Variants in CCDC93 observed in about 807,000 individuals in gnomAD.
CCDC93 encodes the protein CCC complex scaffolding subunit CCDC93.
A neutral mutation model predicts 108.2 loss-of-function variants in CCDC93; 61 were observed. That is an observed-to-expected ratio of 0.56 (90% CI 0.46 to 0.70). CCDC93 has a LOEUF of 0.70. CCDC93 is among the 30% of genes least tolerant of loss of function. CCDC93 has a pLI of 0.00. For missense variants in CCDC93, 685 were observed against 764.2 expected (o/e 0.90, Z 1.22); for synonymous variants, 276 against 260.4 (o/e 1.06, Z -0.58).
At chr2:117,985,503 A>T in intron 7 of CCDC93, 1 of 744,114 alleles carries the variant, frequency 1.3e-6, no homozygotes. Flanking sequence ...TTTAAAGTAA[A>T]AACTAAGGAT....
chr2:118,000,793 G>T, intron 4 of CCDC93, 28 bp downstream of exon 4: 1 of 1,442,250 alleles, frequency 6.9e-7, no homozygotes, highest in Non-Finnish European at 9.8e-7. Context: ...GATGTTAAGA[G>T]GACAAGAAAC....
At chr2:117,977,110 T>C (rs1558792086) in intron 8 of CCDC93, among the ~76,000 whole-genome samples, 1 of 152,056 alleles carries the variant, frequency 6.6e-6, no homozygotes, top group Non-Finnish European at 1.5e-5. Flanking sequence ...GAATGTTTTT[T>C]TGTATTTTTA....
In CCDC93 at chr2:117,973,898, C is replaced by T; in HGVS notation, c.888+10G>A. The T allele has an allele frequency of 1.2e-6, 2 of 1,602,256 alleles. No homozygotes were observed. Among genetic ancestry groups the T allele is most frequent in the Non-Finnish European group, 1.7e-6 (2 of 1,172,474 alleles). On this transcript the variant is annotated intron_variant, in intron 11 of 23. Transcript: ENST00000376300. ...TCTGGGGCACAGACTCCAGCTGGGC[C>T]CCCACCTACCTTCTCTGCATACTCG...
chr2:117,954,262 AAAT>A (rs1369495714), intron 12 of CCDC93, among the ~76,000 whole-genome samples: 1 of 152,122 alleles, frequency 6.6e-6, no homozygotes, highest in Non-Finnish European at 1.5e-5. Flanking sequence ...TGTGGGATTA[AAAT>A]ATGAGAAGAG....
At chr2:117,992,878 T>C (rs1346914917) in intron 6 of CCDC93, among the ~76,000 whole-genome samples, 13 of 143,590 alleles carry the variant, frequency 9.1e-5, no homozygotes, top group Non-Finnish European at 4.6e-5. Flanking sequence ...AGAAGTGGAT[T>C]AAAAAAAAAA....
intron 22 of CCDC93, 138 bp from the exon 23 acceptor site, chr2:117,931,288 AGGTT>A: frequency 1.6e-6 from 1 of 607,958 alleles, no homozygotes; most frequent in Non-Finnish European, 2.9e-6. Context: ...ATAATTTTTG[AGGTT>A]GGTTAATTTA....
At chr2:117,975,547 T>C (rs1679916328) in intron 8 of CCDC93, among the ~76,000 whole-genome samples, 1 of 152,180 alleles carries the variant, frequency 6.6e-6, no homozygotes. Flanking sequence ...TGACTTACCC[T>C]TGCACTTTGA....
intron 6 of CCDC93, among the ~76,000 whole-genome samples, chr2:117,992,801 TG>T (rs11290103): frequency 1 from 151,114 of 151,846 alleles, 75,195 homozygotes; most frequent in Middle Eastern, 1. Context: ...GAACAATGTT[TG>T]GGGCACTATG....
intron 23 of CCDC93, among the ~76,000 whole-genome samples, chr2:117,923,965 G>A (rs1372968348): frequency 6.6e-6 from 1 of 152,156 alleles, no homozygotes; most frequent in African/African-American, 2.4e-5. Flanking sequence ...AACATTTGCT[G>A]TTCACCAATA....
intron 12 of CCDC93, among the ~76,000 whole-genome samples, chr2:117,954,544 AT>A: frequency 6.6e-6 from 1 of 151,824 alleles, no homozygotes; most frequent in Non-Finnish European, 1.5e-5. Flanking sequence ...TCTTACCTCT[AT>A]TTTCTTCTTC....
chr2:117,944,613 A>C (rs1678810306), intron 17 of CCDC93: 1 of 409,978 alleles, frequency 2.4e-6, no homozygotes, highest in Admixed American at 2.9e-5. Context: ...TGGCTGGATG[A>C]GACATGGTAA....
intron 23 of CCDC93, among the ~76,000 whole-genome samples, chr2:117,922,505 T>C (rs774345821): frequency 1.3e-5 from 2 of 152,182 alleles, no homozygotes; most frequent in South Asian, 4.1e-4. Context: ...ATCAGTGCTA[T>C]TGAATTTAAA....
intron 20 of CCDC93, among the ~76,000 whole-genome samples, chr2:117,938,286 G>A (rs1220901233): frequency 6.6e-6 from 1 of 152,210 alleles, no homozygotes; most frequent in Non-Finnish European, 1.5e-5. Context: ...ACACTATGCT[G>A]CCATGGTGAA....
At chr2:117,982,645 T>C (rs750098356) in intron 7 of CCDC93, among the ~76,000 whole-genome samples, 6 of 152,016 alleles carry the variant, frequency 3.9e-5, no homozygotes, top group Non-Finnish European at 7.4e-5. Flanking sequence ...TCAGACCTTC[T>C]TGCTCTAGAA....
intron 7 of CCDC93, among the ~76,000 whole-genome samples, chr2:117,981,796 A>G (rs1357245681): frequency 6.6e-6 from 1 of 152,202 alleles, no homozygotes; most frequent in Non-Finnish European, 1.5e-5. Flanking sequence ...CACTAGTCGC[A>G]TTTCAATTGC....
intron 1 of CCDC93, among the ~76,000 whole-genome samples, chr2:118,013,242 C>CA (rs926014492): frequency 5.0e-4 from 76 of 152,244 alleles, no homozygotes; most frequent in African/African-American, 1.8e-3. Context: ...GAGTACTTAA[C>CA]AAACACCTTT....
intron 12 of CCDC93, among the ~76,000 whole-genome samples, chr2:117,954,811 G>T (rs1679165614): frequency 6.6e-6 from 1 of 152,180 alleles, no homozygotes; most frequent in East Asian, 1.9e-4. Context: ...TGGATGATGG[G>T]GGTGGTTTAC....
intron 20 of CCDC93, among the ~76,000 whole-genome samples, chr2:117,938,029 T>C (rs542848017): frequency 6.6e-6 from 1 of 152,288 alleles, no homozygotes; most frequent in East Asian, 1.9e-4. Context: ...GTAATTAGTG[T>C]AGACTACAAG....
intron 6 of CCDC93, among the ~76,000 whole-genome samples, chr2:117,990,569 T>G (rs938000803): frequency 3.7e-4 from 55 of 150,504 alleles, no homozygotes; most frequent in Admixed American, 1.3e-3. Flanking sequence ...AAATCCTAAG[T>G]AAATAATTAG....
Sources: gnomAD v4.1 joint callset for allele counts (sites outside exome capture counted in the v4.1 genomes callset) on GRCh38, gnomAD v4.1.1 for gene constraint, MANE v1.5 for transcripts, NCBI Gene and HGNC (gene_info 2026-07-23, HGNC 2026-07-21) for gene names.